Variants in HSPA8 observed in about 807,000 individuals in gnomAD.
HSPA8 encodes the protein heat shock cognate 71 kDa protein.
In HSPA8, 2 loss-of-function variants were observed where a neutral mutation model predicts 52.8. That is an observed-to-expected ratio of 0.04 (90% CI 0.02 to 0.12). The LOEUF (loss-of-function observed/expected upper bound fraction) is 0.12, where lower values mean the gene tolerates loss of function less well. Ranked by LOEUF, HSPA8 falls within the 10% of genes least tolerant of loss-of-function variation. The pLI, the probability that HSPA8 is intolerant of heterozygous loss-of-function variation, is 1.00. For synonymous variants in HSPA8, 436 were observed against 274.0 expected, an observed-to-expected ratio of 1.59 and a Z score of -5.84; for missense variants, 349 against 800.5, an observed-to-expected ratio of 0.44 and a Z score of 6.81.
At chr11:123,061,703 C>G (rs1465550080) in intron 1 of HSPA8, 2 of 279,152 alleles carry the variant, frequency 7.2e-6, no homozygotes, top group East Asian at 1.8e-4. Context: ...CCAAGAACAG[C>G]TCTGAAGAAC....
chr11:123,061,639 G>A (rs768231000), intron 1 of HSPA8: 4 of 420,552 alleles, frequency 9.5e-6, no homozygotes, highest in Middle Eastern at 6.7e-4. Context: ...CAGTGCCCCC[G>A]GGAGTCAACG....
Position 123,058,819 on chromosome 11 carries a change from G to C in HSPA8, c.1335C>G (p.Gly445=). 1 of 1,613,982 alleles carries C rather than the reference G, an allele frequency of 6.2e-7. No individual in the cohort carries two copies. Reference sequence around the variant, plus strand: ...TGTTATCCTTTGTCATGGCACGCTCGCCTTCATAAACCTTGGTAGGAAATA... The same window carrying C: ...TGTTATCCTTTGTCATGGCACGCTCCCCTTCATAAACCTTGGTAGGAAATA... The part of the protein sequence containing the change: ...QPGVLIQVYE[G]ERAMTKDNNL... Residue 445 remains glycine (G), a synonymous_variant, in exon 7 of 9, where the codon GGC becomes GGG. Transcript: ENST00000534624.
chr11:123,059,571 G>A lies in HSPA8; in HGVS notation c.1022C>T (p.Thr341Ile). ...AAGCTTCTGAATCTTGGGGATACGA[G>A]TAGAACCACCAACCAGGACAATATC... The part of the protein sequence containing the change: ...IHDIVLVGGS[T>I]RIPKIQKLLQ... The change falls in exon 5 of 9, where the codon ACT (threonine) becomes ATT (isoleucine). Residue 341 changes from threonine to isoleucine, a missense_variant. Coordinates refer to ENST00000534624, the MANE Select transcript of HSPA8 (RefSeq NM_006597.6). The A allele has an allele frequency of 1.2e-6, 2 of 1,614,062 alleles. No homozygotes were observed. Among genetic ancestry groups the A allele is most frequent in the Non-Finnish European group, 8.5e-7 (1 of 1,179,960 alleles).
rs752747672 is a variant in HSPA8, at chr11:123,062,127, G to C, written c.-69C>G. On this transcript the variant is annotated 5_prime_UTR_variant, in exon 1 of 9. Coordinates refer to ENST00000534624, the MANE Select transcript of HSPA8 (RefSeq NM_006597.6). ...CAAAAAACCCAAGAGCTGCAGGCGA[G>C]TTCAATGAGACCGGTTTCCGCCCGC... The C allele has an allele frequency of 1.3e-5, 2 of 152,730 alleles. No individual in the cohort carries two copies. Among genetic ancestry groups the C allele is most frequent in the African/African-American group, 2.4e-5 (1 of 41,430 alleles). 9.5% of individuals were successfully genotyped at this position (152,730 alleles called of 1,614,324 possible).
chr11:123,058,976 G>C lies in HSPA8; in HGVS notation c.1323+83C>G, dbSNP rs1865405531. 7 of 1,430,658 alleles carry C rather than the reference G, an allele frequency of 4.9e-6. No homozygotes were observed. In the South Asian group the frequency reaches 7.0e-5, roughly 14 times the overall value. 88.6% of individuals were successfully genotyped at this position (1,430,658 alleles called of 1,614,324 possible). On this transcript the variant is annotated intron_variant, in intron 6 of 8. Coordinates refer to ENST00000534624, the MANE Select transcript of HSPA8 (RefSeq NM_006597.6). ...TCTGGTGGAAACTACGAATGGTTTT[G>C]GAATCCATCATCATAGCGAGTCAGT...
rs559217363 is a variant in HSPA8, at chr11:123,060,456, G to A, written c.411+137C>T. On this transcript the variant is annotated intron_variant, in intron 3 of 8. Coordinates refer to ENST00000534624, the MANE Select transcript of HSPA8 (RefSeq NM_006597.6). ...AGACCCATCTACCTAGAGAGCCTAGGGCACTGTTGGGCACGTGGTCTTAAC... is the reference window on the plus strand; with the variant it reads ...AGACCCATCTACCTAGAGAGCCTAGAGCACTGTTGGGCACGTGGTCTTAAC... 171 of 875,892 alleles carry A rather than the reference G, an allele frequency of 2.0e-4. No homozygotes were observed. The African/African-American group carries it at 2.6e-3, about 14-fold the overall frequency. The allele number at this position is 875,892 out of a possible 1,614,324, so 54.3% of individuals were successfully genotyped here. A position where few individuals can be genotyped will look rare whatever the true frequency, so the allele number is the denominator to read the frequency against.
At chr11:123,060,350 G>GA in intron 3 of HSPA8, 82 bp from the exon 4 acceptor site, 9 of 1,337,752 alleles carry the variant, frequency 6.7e-6, no homozygotes, top group Non-Finnish European at 9.5e-6. Flanking sequence ...TAATGCTGGT[G>GA]AAAGAACAGC....
In HSPA8 at chr11:123,060,064, G is replaced by A. The variant is rs1357454906; in HGVS notation, c.565-36C>T. On this transcript the variant is annotated intron_variant, in intron 4 of 8. Coordinates refer to ENST00000534624, the MANE Select transcript of HSPA8 (RefSeq NM_006597.6). ...AAACAATCTCATTTAAATTTACGAT[G>A]GATCAAATTAATCTTAAAATAATCC... is the stretch of plus-strand genomic sequence containing the variant. 6 of 1,613,744 alleles carry A rather than the reference G, an allele frequency of 3.7e-6. No individual in the cohort carries two copies. In the African/African-American group the frequency reaches 5.3e-5, roughly 14 times the overall value.
intron 1 of HSPA8, chr11:123,061,649 G>T (rs1234620469): frequency 4.9e-6 from 2 of 408,030 alleles, no homozygotes; most frequent in Non-Finnish European, 9.1e-6. Context: ...GGGAGTCAAC[G>T]GGCTTTTAAC....
At chr11:123,060,396 G>C (rs1384091499) in intron 3 of HSPA8, 128 bp from the exon 4 acceptor site, 3 of 1,016,466 alleles carry the variant, frequency 3.0e-6, no homozygotes, top group African/African-American at 1.6e-5. Context: ...AAATTACTGT[G>C]TAATTGTCAA....
chr11:123,057,635 C>G lies in HSPA8; in HGVS notation c.*99G>C. The stretch of plus-strand genomic sequence containing the variant: ...GAGAATGCCCAGTAACTTACTATAG[C>G]AGCTTAACTTTTTAAAACTGCCACA... On this transcript the variant is annotated 3_prime_UTR_variant, in exon 9 of 9. Transcript: ENST00000534624. The G allele has an allele frequency of 2.3e-6, 2 of 872,568 alleles. No homozygotes were observed. The highest frequency in any genetic ancestry group is 3.6e-6 in the Non-Finnish European group (2 of 562,700). 54.1% of individuals were successfully genotyped at this position (872,568 alleles called of 1,614,324 possible).
Position 123,057,923 on chromosome 11 carries a change from AG to A in HSPA8, c.1756-5del, listed in dbSNP as rs997072349. The stretch of plus-strand genomic sequence containing the variant: ...CAAATTCTTCCTTCTCAGCAGTCTG[AG>A]GAAGAGAAAAAGGAATTACTGCAAG... On this transcript the variant is annotated splice_polypyrimidine_tract_variant and splice_region_variant and intron_variant, in intron 8 of 8. Transcript: ENST00000534624. The A allele has an allele frequency of 2.5e-6, 4 of 1,591,320 alleles. No homozygotes were observed. The highest frequency in any genetic ancestry group is 3.4e-6 in the Non-Finnish European group (4 of 1,170,792).
chr11:123,060,352 A>T, intron 3 of HSPA8, 84 bp from the exon 4 acceptor site: 1 of 1,325,948 alleles, frequency 7.5e-7, no homozygotes, highest in Non-Finnish European at 1.1e-6. Context: ...ATGCTGGTGA[A>T]AGAACAGCTG....
chr11:123,060,245 T>C lies in HSPA8; in HGVS notation c.435A>G (p.Thr145=), dbSNP rs1865450452. The C allele has an allele frequency of 6.2e-7, 1 of 1,613,932 alleles. No individual in the cohort carries two copies. Among genetic ancestry groups the C allele is most frequent in the Non-Finnish European group, 8.5e-7 (1 of 1,179,990 alleles). Residue 145 remains threonine (T), a synonymous_variant, in exon 4 of 9, where the codon ACA becomes ACG. Transcript: ENST00000534624. ...GAGAGTCATTAAAGTAAGCTGGCAC[T>C]GTGACCACAGCATTGGTAACAGTCT... ...LGKTVTNAVV[T]VPAYFNDSQR... is the part of the protein sequence containing the mutation.
Position 123,060,741 on chromosome 11 carries a change from T to C in HSPA8, c.263A>G (p.Lys88Arg). ...ATTCACCACCATAAAGGGCCAATGT[T>C]TCATATCAGACTGGACAACAGCATC... ...FDDAVVQSDMKHWPFMVVNDA... is the reference protein window; with the variant it reads ...FDDAVVQSDMRHWPFMVVNDA... Residue 88 changes from lysine to arginine, a missense_variant, in exon 3 of 9, where the codon AAA (lysine) becomes AGA (arginine). Transcript: ENST00000534624. 1 of 1,614,112 alleles carries C rather than the reference T, an allele frequency of 6.2e-7. No homozygotes were observed. Among genetic ancestry groups the C allele is most frequent in the Non-Finnish European group, 8.5e-7 (1 of 1,180,014 alleles).
At position 123,062,072 on chromosome 11, in the gene HSPA8, T is replaced by C. The variant is rs1297717517; in HGVS notation, c.-14A>G. 6.6e-6 allele frequency: 1 copy of C among 152,630 alleles called. No individual in the cohort carries two copies. Among genetic ancestry groups the C allele is most frequent in the Non-Finnish European group, 1.5e-5 (1 of 68,404 alleles). The allele number at this position is 152,630 out of a possible 1,614,324, so 9.5% of individuals were successfully genotyped here. A position where few individuals can be genotyped will look rare whatever the true frequency, so the allele number is the denominator to read the frequency against. ...TTGAGCAGAGGTTTTACCTGGGGTG[T>C]AGGCCTGGCTCCAATAACGAAGGAA... On this transcript the variant is annotated 5_prime_UTR_variant, in exon 1 of 9. Coordinates refer to ENST00000534624, the MANE Select transcript of HSPA8 (RefSeq NM_006597.6).
At chr11:123,061,037 A>C in intron 2 of HSPA8, 83 bp downstream of exon 2, 2 of 1,257,836 alleles carry the variant, frequency 1.6e-6, no homozygotes, top group Non-Finnish European at 2.3e-6. Context: ...CTAAAATCAA[A>C]AAGTTCCCTC....
chr11:123,059,561 G>A lies in HSPA8; in HGVS notation c.1032C>T (p.Pro344=). ...AGTCTTGGAGAAGCTTCTGAATCTT[G>A]GGGATACGAGTAGAACCACCAACCA... is the stretch of plus-strand genomic sequence containing the variant. ...IVLVGGSTRI[P]KIQKLLQDFF... The change falls in exon 5 of 9, where the codon CCC becomes CCT. Residue 344 remains proline (P), a synonymous_variant. Coordinates refer to ENST00000534624, the MANE Select transcript of HSPA8 (RefSeq NM_006597.6). 6.2e-7 allele frequency: 1 copy of A among 1,613,972 alleles called. No individual in the cohort carries two copies. Among genetic ancestry groups the A allele is most frequent in the Non-Finnish European group, 8.5e-7 (1 of 1,179,932 alleles).
chr11:123,058,034 A>AC (rs1420633279), intron 8 of HSPA8, 115 bp from the exon 9 acceptor site: 2 of 832,878 alleles, frequency 2.4e-6, no homozygotes, highest in South Asian at 1.7e-5. Context: ...GAGGGCCACT[A>AC]CCAACATTAA....
Sources: gnomAD v4.1 joint callset for allele counts on GRCh38, gnomAD v4.1.1 for gene constraint, MANE v1.5 for transcripts, NCBI Gene and HGNC (gene_info 2026-07-23, HGNC 2026-07-21) for gene names.